Variants in DNAH10 observed in about 807,000 individuals in gnomAD.
DNAH10 encodes dynein axonemal heavy chain 10, also known as axonemal beta dynein heavy chain 10.
In DNAH10, 348 loss-of-function variants were observed where a neutral mutation model predicts 506.6. That is an observed-to-expected ratio of 0.69 (90% CI 0.63 to 0.75). The LOEUF is 0.75. Among genes scored for constraint, DNAH10 ranks in the 30% least tolerant of loss-of-function variants. The pLI is 0.00. For missense variants in DNAH10, 5,179 were observed against 5,787.1 expected (o/e 0.89, Z 3.41); for synonymous variants, 2,059 against 2,198.6 (o/e 0.94, Z 1.78).
At chr12:123,866,123 G>C in intron 41 of DNAH10, 50 bp downstream of exon 41, 1 of 1,378,550 alleles carries the variant, frequency 7.3e-7, no homozygotes, top group Non-Finnish European at 9.6e-7. Context: ...TTGATGGCTA[G>C]TTGGATAACA....
intron 5 of DNAH10, among the ~76,000 whole-genome samples, chr12:123,778,702 A>C (rs1216486323): frequency 6.6e-6 from 1 of 152,018 alleles, no homozygotes; most frequent in Admixed American, 6.6e-5. Flanking sequence ...TCTCAAAAAA[A>C]AAAGAAAAAA....
Position 123,914,320 on chromosome 12 carries a change from C to T in DNAH10, c.10353-9C>T, listed in dbSNP as rs2137486205. On this transcript the variant is annotated splice_polypyrimidine_tract_variant and intron_variant, in intron 60 of 78. Coordinates refer to ENST00000673944, the MANE Select transcript of DNAH10 (RefSeq NM_001372106.1). Reference sequence around the variant, plus strand: ...AACTCACGGCAGCCTCCCTCTCCTCCCGTGCCAGGTGGCTGAACGACCTGG... The same window carrying T: ...AACTCACGGCAGCCTCCCTCTCCTCTCGTGCCAGGTGGCTGAACGACCTGG... 2.5e-6 allele frequency: 4 copies of T among 1,609,356 alleles called. No individual in the cohort carries two copies. Among genetic ancestry groups the T allele is most frequent in the Non-Finnish European group, 3.4e-6 (4 of 1,177,428 alleles).
chr12:123,863,675 A>G (rs749482342), intron 39 of DNAH10, among the ~76,000 whole-genome samples: 7 of 152,164 alleles, frequency 4.6e-5, no homozygotes, highest in Non-Finnish European at 1.0e-4. Flanking sequence ...GACATTTGTC[A>G]TTAGATTAGG....
Position 123,903,120 on chromosome 12 carries a change from C to T in DNAH10, c.9815+7C>T, listed in dbSNP as rs756963233. On this transcript the variant is annotated splice_region_variant and intron_variant, in intron 57 of 78. Coordinates refer to ENST00000673944, the MANE Select transcript of DNAH10 (RefSeq NM_001372106.1). This position sits in a 1 kb window ranked among gnomAD's most constrained non-coding sequence, Gnocchi z 4.6. ...CGGACGTGACTGAGATTAGGTAATGCACCTGAGCCACCATTCTGGGCTTCC... is the reference window on the plus strand; with the variant it reads ...CGGACGTGACTGAGATTAGGTAATGTACCTGAGCCACCATTCTGGGCTTCC... 2.5e-6 allele frequency: 4 copies of T among 1,601,096 alleles called. No homozygotes were observed. The East Asian group carries it at 9.0e-5, about 36-fold the overall frequency.
At chr12:123,838,415 C>T (rs1363682867) in intron 28 of DNAH10, 41 bp from the exon 29 acceptor site, 1 of 1,564,008 alleles carries the variant, frequency 6.4e-7, no homozygotes, top group Non-Finnish European at 8.7e-7. Context: ...TCCGCTCTCC[C>T]TGCTCACCCT....
chr12:123,929,314 A>G lies in DNAH10; in HGVS notation c.12346A>G (p.Arg4116Gly), dbSNP rs537787991. The G allele has an allele frequency of 3.1e-6, 5 of 1,605,204 alleles. No homozygotes were observed. The highest frequency in any genetic ancestry group is 1.7e-4 in the Middle Eastern group (1 of 6,052). Residue 4116 changes from arginine to glycine, a missense_variant, in exon 71 of 79, where the codon AGG becomes GGG. Physicochemically the swap from Arg to Gly is moderately radical, Grantham distance 125. Coordinates refer to ENST00000673944, the MANE Select transcript of DNAH10 (RefSeq NM_001372106.1). ...ACCCAATGGGCTGAAACTCAACATG[A>G]GGGCAACTTACTTCAAGATCTCTCA... The part of the protein sequence containing the change: ...EPPNGLKLNM[R>G]ATYFKISHEM...
At position 123,909,878 on chromosome 12, in the gene DNAH10, G is replaced by A. The variant is rs143587821; in HGVS notation, c.9997+436G>A. ...GAGGTCCCTGGGGAGTGGGCATGGGGGTGGGCAGCATCACTGATGGCCAGC... is the reference window on the plus strand; with the variant it reads ...GAGGTCCCTGGGGAGTGGGCATGGGAGTGGGCAGCATCACTGATGGCCAGC... On this transcript the variant is annotated intron_variant, in intron 58 of 78. Transcript: ENST00000673944. The surrounding 1 kb of genome is among the most constrained non-coding windows in gnomAD (Gnocchi z 5.4). 3.6e-3 allele frequency among the ~76,000 whole-genome samples: 546 copies of A among 152,256 alleles called. 5 individuals are homozygous for A. Among genetic ancestry groups the A allele is most frequent in the African/African-American group, 0.011 (477 of 41,548 alleles).
chr12:123,861,072 C>G lies in DNAH10; in HGVS notation c.6810C>G (p.Leu2270=). 1 of 1,613,968 alleles carries G rather than the reference C, an allele frequency of 6.2e-7. No individual in the cohort carries two copies. The highest frequency in any genetic ancestry group is 1.1e-5 in the South Asian group (1 of 91,072). The change falls in exon 39 of 79, where the codon CTC becomes CTG. Residue 2270 remains leucine, a synonymous_variant. Transcript: ENST00000673944. ...LNPKAVSVIE[L]YGILDPTTRD... ...CCAAAGCCGTGAGTGTCATAGAACT[C>G]TACGGCATCCTGGACCCAACCACCC...
intron 51 of DNAH10, among the ~76,000 whole-genome samples, chr12:123,882,401 T>C (rs1256947395): frequency 6.6e-6 from 1 of 152,180 alleles, no homozygotes; most frequent in African/African-American, 2.4e-5. Context: ...GAGATTGAAT[T>C]CAAGACCATA....
In DNAH10 at chr12:123,813,359, T is replaced by G; in HGVS notation, c.3340T>G (p.Tyr1114Asp). 1 of 1,614,234 alleles carries G rather than the reference T, an allele frequency of 6.2e-7. No individual in the cohort carries two copies. The highest frequency in any genetic ancestry group is 1.1e-5 in the South Asian group (1 of 91,092). The part of the protein sequence containing the change: ...LMKYLQKWKR[Y>D]RPLWKLDKAI... ...GAAGTATCTACAAAAATGGAAGCGGTATCGACCTCTCTGGAAATTGGACAA... is the reference window on the plus strand; with the variant it reads ...GAAGTATCTACAAAAATGGAAGCGGGATCGACCTCTCTGGAAATTGGACAA... The change falls in exon 20 of 79, where the codon TAT (tyrosine) becomes GAT (aspartate). Residue 1114 changes from tyrosine to aspartate, a missense_variant. Tyr to Asp is a radical substitution (Grantham distance 160). Transcript: ENST00000673944.
Position 123,913,356 on chromosome 12 carries a change from C to T in DNAH10, c.10352+41C>T, listed in dbSNP as rs370366020. On this transcript the variant is annotated intron_variant, in intron 60 of 78. Coordinates refer to ENST00000673944, the MANE Select transcript of DNAH10 (RefSeq NM_001372106.1). The surrounding 1 kb of genome is among the most constrained non-coding windows in gnomAD (Gnocchi z 5.1). Reference sequence around the variant, plus strand: ...GAGCCCACCTGTTGCGGTTTGTAAACGGACGTCACCCACAGAGTTTCTCGC... The same window carrying T: ...GAGCCCACCTGTTGCGGTTTGTAAATGGACGTCACCCACAGAGTTTCTCGC... 72 of 1,514,004 alleles carry T rather than the reference C, an allele frequency of 4.8e-5. No individual in the cohort carries two copies. The highest frequency in any genetic ancestry group is 2.3e-4 in the Middle Eastern group (1 of 4,426). The allele number at this position is 1,514,004 out of a possible 1,614,324, so 93.8% of individuals were successfully genotyped here. A position where few individuals can be genotyped will look rare whatever the true frequency, so the allele number is the denominator to read the frequency against.
chr12:123,818,254 C>G (rs1445320478), intron 21 of DNAH10, among the ~76,000 whole-genome samples: 8 of 151,628 alleles, frequency 5.3e-5, no homozygotes, highest in African/African-American at 1.5e-4. Context: ...GCCTCTATCT[C>G]TTTATTTTTA....
At chr12:123,811,539 C>T (rs1471456076) in intron 19 of DNAH10, among the ~76,000 whole-genome samples, 8 of 150,674 alleles carry the variant, frequency 5.3e-5, no homozygotes, top group Admixed American at 1.3e-4. Context: ...CTTGCTGTTT[C>T]GCCTAGGCTG....
chr12:123,833,284 G>T lies in DNAH10; in HGVS notation c.4716G>T (p.Gly1572=). The change falls in exon 27 of 79, where the codon GGG becomes GGT. Residue 1572 remains glycine (G), a synonymous_variant. Coordinates refer to ENST00000673944, the MANE Select transcript of DNAH10 (RefSeq NM_001372106.1). Reference sequence around the variant, plus strand: ...GCATCTCAGGAAGCAGATTTGTGGGGCCTTTTCTGCAAACTGTTCACAAAT... The same window carrying T: ...GCATCTCAGGAAGCAGATTTGTGGGTCCTTTTCTGCAAACTGTTCACAAAT... ...LQSISGSRFV[G]PFLQTVHKWE... is the part of the protein sequence containing the mutation. The T allele has an allele frequency of 6.2e-7, 1 of 1,613,832 alleles. No individual in the cohort carries two copies. Among genetic ancestry groups the T allele is most frequent in the Middle Eastern group, 1.6e-4 (1 of 6,062 alleles).
At chr12:123,868,992 C>T (rs1951919989) in intron 43 of DNAH10, among the ~76,000 whole-genome samples, 1 of 152,238 alleles carries the variant, frequency 6.6e-6, no homozygotes. Context: ...TGTTGGCCTG[C>T]TTCCCTGGCT....
intron 52 of DNAH10, 29 bp from the exon 53 acceptor site, chr12:123,893,204 G>A: frequency 6.2e-7 from 1 of 1,608,496 alleles, no homozygotes; most frequent in Non-Finnish European, 8.5e-7. Flanking sequence ...GGGACTCAGA[G>A]AGATCACCAG....
rs1432308458 is a variant in DNAH10 at position 123,787,905 on chromosome 12, CG to C, written c.1527del (p.Arg510GlyfsTer44). On this transcript the variant is annotated frameshift_variant, in exon 10 of 79. Coordinates refer to ENST00000673944, the MANE Select transcript of DNAH10 (RefSeq NM_001372106.1). LOFTEE classifies it high-confidence loss of function. The surrounding 1 kb of genome is among the most constrained non-coding windows in gnomAD (Gnocchi z 4.6). ...YFDTRAKIEA[S>X]GREDRWEFDR... ...GACACCCGGGCCAAGATAGAGGCTTCGGGGAGGGAAGATCGGTGGGAGTTTG... is the reference window on the plus strand; with the variant it reads ...GACACCCGGGCCAAGATAGAGGCTTCGGGAGGGAAGATCGGTGGGAGTTTG... 1 of 1,612,260 alleles carries C rather than the reference CG, an allele frequency of 6.2e-7. No homozygotes were observed. The highest frequency in any genetic ancestry group is 8.5e-7 in the Non-Finnish European group (1 of 1,179,328).
In DNAH10 at chr12:123,917,822, C is replaced by A. The variant is rs1303600739; in HGVS notation, c.11232+9C>A. The A allele has an allele frequency of 1.3e-6, 2 of 1,562,592 alleles. No homozygotes were observed. The highest frequency in any genetic ancestry group is 2.4e-5 in the South Asian group (2 of 84,574). ...AATCCAAGGCAACAGAGGTAGCAACCACAGTGGAAGAGGCCGTGAGTCAGG... is the reference window on the plus strand; with the variant it reads ...AATCCAAGGCAACAGAGGTAGCAACAACAGTGGAAGAGGCCGTGAGTCAGG... On this transcript the variant is annotated intron_variant, in intron 64 of 78. Coordinates refer to ENST00000673944, the MANE Select transcript of DNAH10 (RefSeq NM_001372106.1). The surrounding 1 kb of genome is among the most constrained non-coding windows in gnomAD (Gnocchi z 5.6).
At chr12:123,859,797 G>T (rs1338409120) in intron 38 of DNAH10, among the ~76,000 whole-genome samples, 1 of 152,132 alleles carries the variant, frequency 6.6e-6, no homozygotes, top group Non-Finnish European at 1.5e-5. Flanking sequence ...ACTTTGGGAG[G>T]CCTGGGTGGG....
Sources: allele counts gnomAD v4.1 joint callset (sites outside exome capture counted in the v4.1 genomes callset), GRCh38; gene constraint gnomAD v4.1.1; non-coding constraint Gnocchi (gnomAD v3.1); transcripts MANE v1.5; gene names NCBI Gene and HGNC (gene_info 2026-07-23, HGNC 2026-07-21).